PDZRN3: variants seen among roughly 807,000 people sequenced by gnomAD.
The protein encoded by PDZRN3 is PDZ domain containing ring finger 3.
In PDZRN3, 38 loss-of-function variants were observed where a neutral mutation model predicts 85.7. That is an observed-to-expected ratio of 0.44 (90% CI 0.34 to 0.58). The LOEUF (loss-of-function observed/expected upper bound fraction) is 0.58. Ranked by LOEUF, PDZRN3 falls within the 20% of genes least tolerant of loss-of-function variation. The pLI, the probability that PDZRN3 is intolerant of heterozygous loss-of-function variation, is 0.01. For synonymous variants in PDZRN3, 759 were observed against 638.0 expected, an observed-to-expected ratio of 1.19 and a Z score of -2.86; for missense variants, 1,629 against 1,506.4, an observed-to-expected ratio of 1.08 and a Z score of -1.35.
chr3:73,565,753 C>A (rs1036028804), intron 3 of PDZRN3, among the ~76,000 whole-genome samples: 17 of 150,888 alleles, frequency 1.1e-4, no homozygotes, highest in Non-Finnish European at 2.2e-4. Flanking sequence ...GCCTGGCCAA[C>A]ATAGTGAAAC....
intron 3 of PDZRN3, among the ~76,000 whole-genome samples, chr3:73,587,591 T>G (rs955457187): frequency 2.6e-5 from 4 of 152,216 alleles, no homozygotes; most frequent in African/African-American, 9.6e-5. Context: ...ACATTAATAT[T>G]TATCTTCCTG....
rs533036516 is a variant in PDZRN3, at chr3:73,440,084, G to A, written c.919-35689C>T. On this transcript the variant is annotated intron_variant, in intron 3 of 9. Transcript: ENST00000263666. ...AAAAATATTTTTCCTTTGCCAAATT[G>A]ATTGAGGTGCCGCTGTCTTGAGGAC... 3.3e-5 allele frequency among the ~76,000 whole-genome samples: 5 copies of A among 152,088 alleles called. No homozygotes were observed. In the South Asian group the frequency reaches 6.2e-4, roughly 19 times the overall value.
chr3:73,407,871 T>C (rs1389685622), intron 3 of PDZRN3, among the ~76,000 whole-genome samples: 2 of 152,156 alleles, frequency 1.3e-5, no homozygotes, highest in African/African-American at 4.8e-5. Context: ...TGTCCAGCTT[T>C]GGGTACTGTT....
At chr3:73,386,043 C>A (rs1290112256) in intron 8 of PDZRN3, among the ~76,000 whole-genome samples, 1 of 151,608 alleles carries the variant, frequency 6.6e-6, no homozygotes, top group Non-Finnish European at 1.5e-5. Context: ...GAAACTCTTT[C>A]ATCCATCTCA....
chr3:73,429,018 C>T (rs1231475194), intron 3 of PDZRN3, among the ~76,000 whole-genome samples: 1 of 152,116 alleles, frequency 6.6e-6, no homozygotes, highest in African/African-American at 2.4e-5. Context: ...CTCACCTCAG[C>T]CTCCTGAGTA....
At chr3:73,590,448 T>C (rs1299615536) in intron 3 of PDZRN3, among the ~76,000 whole-genome samples, 1 of 152,156 alleles carries the variant, frequency 6.6e-6, no homozygotes, top group Non-Finnish European at 1.5e-5. Flanking sequence ...CTTCCTCTGG[T>C]TAGGTCTCTC....
At chr3:73,417,021 G>A (rs1313869099) in intron 3 of PDZRN3, among the ~76,000 whole-genome samples, 2 of 151,310 alleles carry the variant, frequency 1.3e-5, no homozygotes, top group African/African-American at 2.4e-5. Context: ...CCTCCTGATG[G>A]CATGCGCCAT....
intron 3 of PDZRN3, among the ~76,000 whole-genome samples, chr3:73,446,807 T>TAA (rs1702756605): frequency 6.6e-6 from 1 of 152,098 alleles, no homozygotes; most frequent in East Asian, 1.9e-4. Context: ...GTTCCTTCTT[T>TAA]AAAATACTGA....
rs112088132 is a variant in PDZRN3 at position 73,517,533 on chromosome 3, G to C, written c.918+84821C>G. Among the ~76,000 whole-genome samples the C allele has an allele frequency of 6.0e-3, 921 of 152,302 alleles. 9 individuals are homozygous for C. Among genetic ancestry groups the C allele is most frequent in the African/African-American group, 0.021 (870 of 41,572 alleles). On this transcript the variant is annotated intron_variant, in intron 3 of 9. Transcript: ENST00000263666. ...AGGCTTAGGCCCCAAAGGATGCTAA[G>C]AGATTCTTTAAAAGGCTGAATGAAA...
intron 3 of PDZRN3, among the ~76,000 whole-genome samples, chr3:73,554,584 T>C (rs1575732592): frequency 2.0e-5 from 3 of 152,108 alleles, no homozygotes; most frequent in African/African-American, 4.8e-5. Flanking sequence ...TAAATATCTA[T>C]ACCATGGACT....
intron 3 of PDZRN3, among the ~76,000 whole-genome samples, chr3:73,453,419 AAAAAC>A (rs1390375272): frequency 3.0e-5 from 4 of 133,718 alleles, no homozygotes; most frequent in African/African-American, 5.4e-5. Context: ...AAAAAAAAAA[AAAAAC>A]AAAAAAAAAA....
chr3:73,491,691 T>C (rs941312984), intron 3 of PDZRN3, among the ~76,000 whole-genome samples: 3 of 150,884 alleles, frequency 2.0e-5, no homozygotes, highest in African/African-American at 7.3e-5. Flanking sequence ...CTTGAATTCC[T>C]GGACTCAAGC....
intron 3 of PDZRN3, among the ~76,000 whole-genome samples, chr3:73,441,396 A>G (rs1452293032): frequency 1.7e-5 from 2 of 117,056 alleles, no homozygotes; most frequent in East Asian, 3.0e-4. Context: ...CTGGTGACAT[A>G]GTGAGACTCT....
chr3:73,577,173 G>A (rs4234178), intron 3 of PDZRN3, among the ~76,000 whole-genome samples: 86,194 of 152,000 alleles, frequency 0.57, 24,541 homozygotes, highest in Admixed American at 0.59. Context: ...AGAGCTTGGT[G>A]TAATGTCTTT....
chr3:73,524,461 T>C (rs1400607059), intron 3 of PDZRN3, among the ~76,000 whole-genome samples: 2 of 152,316 alleles, frequency 1.3e-5, no homozygotes, highest in Admixed American at 6.5e-5. Flanking sequence ...GAAAAAACAG[T>C]GAACTCTGAA....
intron 3 of PDZRN3, among the ~76,000 whole-genome samples, chr3:73,529,452 T>C (rs1272697353): frequency 1.3e-5 from 2 of 152,216 alleles, no homozygotes; most frequent in South Asian, 2.1e-4. Flanking sequence ...CCTCCCCCTA[T>C]GGCTCTGTAC....
intron 3 of PDZRN3, among the ~76,000 whole-genome samples, chr3:73,498,153 T>C (rs190711215): frequency 6.6e-6 from 1 of 152,290 alleles, no homozygotes; most frequent in Non-Finnish European, 1.5e-5. Flanking sequence ...TTTCCAGACA[T>C]AGTAAGTCAT....
intron 1 of PDZRN3, among the ~76,000 whole-genome samples, chr3:73,609,421 T>C (rs578111602): frequency 1.3e-5 from 2 of 151,796 alleles, no homozygotes; most frequent in Middle Eastern, 3.4e-3. Context: ...CCAGGGAGAG[T>C]GTTCTCAACT....
rs185709678 is a variant in PDZRN3 at position 73,477,744 on chromosome 3, C to T, written c.919-73349G>A. On this transcript the variant is annotated intron_variant, in intron 3 of 9. Transcript: ENST00000263666. ...TGTATCAGTCCATTCTCACACTGCT[C>T]TAAGAAATACCCAAGACTGGGTAAT... Among the ~76,000 whole-genome samples the T allele has an allele frequency of 3.9e-5, 6 of 152,234 alleles. No individual in the cohort carries two copies. The East Asian group carries it at 1.2e-3, about 29-fold the overall frequency.
Sources: gnomAD v4.1 joint callset for allele counts (sites outside exome capture counted in the v4.1 genomes callset) on GRCh38, gnomAD v4.1.1 for gene constraint, MANE v1.5 for transcripts, NCBI Gene and HGNC (gene_info 2026-07-23, HGNC 2026-07-21) for gene names.